The following ITGA3 variants were observed in gnomAD, a reference collection of about 807,000 sequenced individuals.
The protein encoded by ITGA3 is integrin alpha-3.
In ITGA3, 70 loss-of-function variants were observed where a neutral mutation model predicts 131.1. The observed-to-expected ratio is 0.53, with a 90% CI of 0.44 to 0.65. ITGA3 has a LOEUF of 0.65. ITGA3 is among the 30% of genes least tolerant of loss of function. ITGA3 has a pLI of 0.00. For synonymous variants in ITGA3, 537 were observed against 571.6 expected (o/e 0.94, Z 0.86); for missense variants, 1,098 against 1,388.6 (o/e 0.79, Z 3.33).
At chr17:50,075,814 G>A in intron 12 of ITGA3, 79 bp downstream of exon 12, 1 of 1,477,036 alleles carries the variant, frequency 6.8e-7, no homozygotes. Context: ...GATCAAGGGT[G>A]AGGGACGGGG....
In ITGA3 at chr17:50,064,044, T is replaced by C; in HGVS notation, c.207-33T>C. The C allele has an allele frequency of 1.2e-6, 2 of 1,609,124 alleles. No individual in the cohort carries two copies. The highest frequency in any genetic ancestry group is 2.2e-5 in the South Asian group (2 of 90,062). On this transcript the variant is annotated intron_variant, in intron 1 of 25. Coordinates refer to ENST00000320031, the MANE Select transcript of ITGA3 (RefSeq NM_002204.4). This position sits in a 1 kb window ranked among gnomAD's most constrained non-coding sequence, Gnocchi z 4.4. ...TGTTCCAAGTGGGGCTTGGGGAGTC[T>C]GAACCCGGACCCACCTCCGTCCCTA...
At chr17:50,061,700 T>G (rs1908087700) in intron 1 of ITGA3, among the ~76,000 whole-genome samples, 1 of 152,128 alleles carries the variant, frequency 6.6e-6, no homozygotes, top group Non-Finnish European at 1.5e-5. Flanking sequence ...CAAAGGAGTC[T>G]CTTCTTTTCC....
chr17:50,070,701 A>T, intron 4 of ITGA3, 143 bp from the exon 5 acceptor site: 3 of 451,932 alleles, frequency 6.6e-6, no homozygotes, highest in Non-Finnish European at 8.5e-6. Context: ...GATGTGTTTT[A>T]TAAATGGCAA....
rs1322013575 is a variant in ITGA3, at chr17:50,056,545, G to T, written c.106G>T (p.Asp36Tyr). 6.4e-7 allele frequency: 1 copy of T among 1,561,322 alleles called. No individual in the cohort carries two copies. Among genetic ancestry groups the T allele is most frequent in the African/African-American group, 1.4e-5 (1 of 73,612 alleles). The change falls in exon 1 of 26, where the codon GAT (aspartate) becomes TAT (tyrosine). Residue 36 changes from aspartate (D) to tyrosine (Y), a missense_variant. By Grantham distance (160) the Asp-to-Tyr change is radical (BLOSUM62 -3). This residue lies in a region of ITGA3 where 356 missense variants were observed against 529.2 expected (regional missense o/e 0.67). Coordinates refer to ENST00000320031, the MANE Select transcript of ITGA3 (RefSeq NM_002204.4). This position sits in a 1 kb window ranked among gnomAD's most constrained non-coding sequence, Gnocchi z 5.6. ...CTGCGTCGTCTCCGCCTTCAACCTG[G>T]ATACCCGATTCCTGGTAGTGAAGGA... is the stretch of plus-strand genomic sequence containing the variant. ...GGCVVSAFNL[D>Y]TRFLVVKEAG...
At position 50,072,071 on chromosome 17, in the gene ITGA3, G is replaced by T; in HGVS notation, c.1045G>T (p.Ala349Ser). The change falls in exon 7 of 26, where the codon GCG (alanine) becomes TCG (serine). Residue 349 changes from alanine to serine, a missense_variant. Ala to Ser is a moderately conservative substitution (Grantham distance 99, BLOSUM62 1). Coordinates refer to ENST00000320031, the MANE Select transcript of ITGA3 (RefSeq NM_002204.4). ...GGAIYVFMNQ[A>S]GTSFPAHPSL... is the part of the protein sequence containing the mutation. ...TGCCATCTATGTCTTCATGAACCAG[G>T]CGGGAACCTCCTTCCCTGCTCACCC... is the stretch of plus-strand genomic sequence containing the variant. The T allele has an allele frequency of 6.2e-7, 1 of 1,614,058 alleles. No individual in the cohort carries two copies. Among genetic ancestry groups the T allele is most frequent in the Non-Finnish European group, 8.5e-7 (1 of 1,180,004 alleles).
At chr17:50,070,813 C>G in intron 4 of ITGA3, 31 bp from the exon 5 acceptor site, 1 of 1,473,978 alleles carries the variant, frequency 6.8e-7, no homozygotes, top group Non-Finnish European at 9.5e-7. Context: ...GACTTATACT[C>G]CCTACTCTCC....
chr17:50,089,025 G>A (rs1909590437), intron 25 of ITGA3, 85 bp from the exon 26 acceptor site: 2 of 1,028,870 alleles, frequency 1.9e-6, no homozygotes, highest in Non-Finnish European at 3.0e-6. Context: ...GGAGTTCTGG[G>A]TGGGAGAGGG....
chr17:50,078,789 G>A, intron 18 of ITGA3, 35 bp from the exon 19 acceptor site: 1 of 1,332,274 alleles, frequency 7.5e-7, no homozygotes, highest in Non-Finnish European at 1.1e-6. Flanking sequence ...CTGGTCTCTT[G>A]TCCCCCGTGA....
intron 23 of ITGA3, chr17:50,087,152 T>C (rs1377288698): frequency 6.6e-6 from 1 of 152,220 alleles, no homozygotes; most frequent in Non-Finnish European, 1.5e-5. Flanking sequence ...GTGTTTGCTG[T>C]GTAGCAGGTG....
At position 50,080,529 on chromosome 17, in the gene ITGA3, G is replaced by A. The variant is rs9906812; in HGVS notation, c.2820+154G>A. 0.016 allele frequency among the ~76,000 whole-genome samples: 2,485 copies of A among 151,728 alleles called. 59 individuals are homozygous for A. The highest frequency in any genetic ancestry group is 0.057 in the African/African-American group (2,353 of 41,214). On this transcript the variant is annotated intron_variant, in intron 22 of 25. Transcript: ENST00000320031. The stretch of plus-strand genomic sequence containing the variant: ...GTGATTTGCGTGTCTTTGCATGGAT[G>A]TGTATGTGTTTGTCCCCAGCCAAAA...
rs747560253 is a variant in ITGA3, at chr17:50,070,827, C to T, written c.665-17C>T. Reference sequence around the variant, plus strand: ...TGACTTATACTCCCTACTCTCCCTCCCTCAATCCCTGTGAAGGAAACAGCT... The same window carrying T: ...TGACTTATACTCCCTACTCTCCCTCTCTCAATCCCTGTGAAGGAAACAGCT... On this transcript the variant is annotated splice_polypyrimidine_tract_variant and intron_variant, in intron 4 of 25. Coordinates refer to ENST00000320031, the MANE Select transcript of ITGA3 (RefSeq NM_002204.4). 2.5e-6 allele frequency: 4 copies of T among 1,573,548 alleles called. No individual in the cohort carries two copies. Among genetic ancestry groups the T allele is most frequent in the Non-Finnish European group, 2.6e-6 (3 of 1,143,528 alleles).
chr17:50,086,359 A>T (rs1337002433), intron 23 of ITGA3: 1 of 148,914 alleles, frequency 6.7e-6, no homozygotes, highest in Admixed American at 6.8e-5. Flanking sequence ...AAAAATCATC[A>T]AAATAATTTT....
At chr17:50,071,769 C>T in intron 6 of ITGA3, 1 of 617,082 alleles carries the variant, frequency 1.6e-6, no homozygotes, top group South Asian at 2.0e-5. Context: ...TTGATTTGTG[C>T]CTGCATGGCG....
At chr17:50,079,670 C>G (rs926299432) in intron 21 of ITGA3, 113 bp downstream of exon 21, 4 of 1,224,508 alleles carry the variant, frequency 3.3e-6, no homozygotes, top group Non-Finnish European at 4.3e-6. Context: ...TGATGAGGCC[C>G]CTGCTCTTGG....
intron 23 of ITGA3, 100 bp from the exon 24 acceptor site, chr17:50,087,644 C>A (rs572555584): frequency 1.3e-5 from 18 of 1,367,454 alleles, no homozygotes; most frequent in African/African-American, 4.2e-5. Context: ...CTACTGGCAG[C>A]AGGACAAACA....
rs750640979 is a variant in ITGA3, at chr17:50,075,651, C to T, written c.1590C>T (p.Arg530=). 8 of 1,614,230 alleles carry T rather than the reference C, an allele frequency of 5.0e-6. No homozygotes were observed. The African/African-American group carries it at 8.0e-5, about 16-fold the overall frequency. ...GGGACCGCCGGCCGCCCCGGCTCCGCTTTGCCGGCAGTGAGTCCGCTGTCT... is the reference window on the plus strand; with the variant it reads ...GGGACCGCCGGCCGCCCCGGCTCCGTTTTGCCGGCAGTGAGTCCGCTGTCT... ...ADRDRRPPRL[R]FAGSESAVFH... The change falls in exon 12 of 26, where the codon CGC becomes CGT. Residue 530 remains arginine, a synonymous_variant. Transcript: ENST00000320031.
intron 23 of ITGA3, chr17:50,087,440 G>A (rs992318010): frequency 3.1e-6 from 1 of 318,540 alleles, no homozygotes; most frequent in Non-Finnish European, 5.8e-6. Context: ...ACTTGTCCAA[G>A]GTCACACAGC....
In ITGA3 at chr17:50,077,004, G is replaced by A. The variant is rs1041102504; in HGVS notation, c.1953G>A (p.Leu651=). The A allele has an allele frequency of 2.5e-6, 4 of 1,611,006 alleles. No individual in the cohort carries two copies. The African/African-American group carries it at 4.0e-5, about 16-fold the overall frequency. The change falls in exon 15 of 26, where the codon TTG becomes TTA. Residue 651 remains leucine, a synonymous_variant. Coordinates refer to ENST00000320031, the MANE Select transcript of ITGA3 (RefSeq NM_002204.4). ...RLQYSRDVRK[L]LLSINVTNTR... ...AGTACAGCAGAGACGTCCGGAAATT[G>A]CTCCTGAGCATCAACGTGACGAACA...
At position 50,068,188 on chromosome 17, in the gene ITGA3, G is replaced by A. The variant is rs768258066; in HGVS notation, c.547G>A (p.Glu183Lys). ...TGATGACTGGCAGACCTACCACAACGAGATGTGCAATAGCAACACAGACTA... is the reference window on the plus strand; with the variant it reads ...TGATGACTGGCAGACCTACCACAACAAGATGTGCAATAGCAACACAGACTA... Reference protein sequence around the residue: ...SSDDWQTYHNEMCNSNTDYLE... With the variant: ...SSDDWQTYHNKMCNSNTDYLE... Residue 183 changes from glutamate (E) to lysine (K), a missense_variant, in exon 4 of 26, where the codon GAG becomes AAG. By Grantham distance (56) the Glu-to-Lys change is moderately conservative (BLOSUM62 1). Transcript: ENST00000320031. The A allele has an allele frequency of 5.0e-6, 8 of 1,614,192 alleles. No individual in the cohort carries two copies. The highest frequency in any genetic ancestry group is 3.4e-6 in the Non-Finnish European group (4 of 1,180,054).
Sources: gnomAD v4.1 joint callset for allele counts (sites outside exome capture counted in the v4.1 genomes callset) on GRCh38, gnomAD v4.1.1 for gene constraint, gnomAD v4.1.1 regional missense constraint, Gnocchi (gnomAD v3.1) non-coding constraint, MANE v1.5 for transcripts, NCBI Gene and HGNC (gene_info 2026-07-23, HGNC 2026-07-21) for gene names.